The following TBC1D1 variants were observed in gnomAD, a reference collection of about 807,000 sequenced individuals.
TBC1D1 encodes TBC1 domain family member 1, also known as TBC1 (tre-2/USP6, BUB2, cdc16) domain family, member 1.
In TBC1D1, 89 loss-of-function variants were observed where a neutral mutation model predicts 125.6. The observed-to-expected ratio is 0.71, with a 90% CI of 0.60 to 0.85. The LOEUF (loss-of-function observed/expected upper bound fraction) is 0.85. Among genes scored for constraint, TBC1D1 ranks in the 40% least tolerant of loss-of-function variants. The pLI is 0.00. For missense variants in TBC1D1, 1,377 were observed against 1,469.2 expected (o/e 0.94, Z 1.03); for synonymous variants, 565 against 564.1 (o/e 1.00, Z -0.02).
intron 2 of TBC1D1, among the ~76,000 whole-genome samples, chr4:37,972,481 CAAAAAAA>C (rs74577993): frequency 3.1e-5 from 3 of 98,074 alleles, no homozygotes; most frequent in Non-Finnish European, 4.2e-5. Flanking sequence ...AACGCCGTTT[CAAAAAAA>C]AAAAAAAAAA....
intron 19 of TBC1D1, among the ~76,000 whole-genome samples, 162 bp from the exon 22 acceptor site, chr4:38,136,973 C>T (rs1220957940): frequency 3.3e-5 from 5 of 152,108 alleles, no homozygotes; most frequent in African/African-American, 7.2e-5. Context: ...GCAAGGGGTG[C>T]GAGTTGCCTT....
At position 38,054,315 on chromosome 4, in the gene TBC1D1, G is replaced by T. The variant is rs773620475; in HGVS notation, c.2027G>T (p.Cys676Phe). 4.3e-6 allele frequency: 7 copies of T among 1,614,042 alleles called. No homozygotes were observed. The Admixed American group carries it at 1.0e-4, about 23-fold the overall frequency. ...CGAGTAGCCACCCCGCAGAAGGCGTGCGATTCTTCCAGCAGATATGAAGGT... is the reference window on the plus strand; with the variant it reads ...CGAGTAGCCACCCCGCAGAAGGCGTTCGATTCTTCCAGCAGATATGAAGGT... Residue 676 changes from cysteine to phenylalanine, a missense_variant, in exon 12 of 20, where the codon TGC becomes TTC. Cys to Phe is a radical substitution (Grantham distance 205, BLOSUM62 -2). Coordinates refer to ENST00000261439, the MANE Select transcript of TBC1D1 (RefSeq NM_015173.4).
intron 12 of TBC1D1, among the ~76,000 whole-genome samples, chr4:38,066,352 A>G (rs1305517674): frequency 6.6e-6 from 1 of 151,126 alleles, no homozygotes; most frequent in East Asian, 2.0e-4. Context: ...TGTTTGTGAC[A>G]GGGTCTTGCT....
intron 2 of TBC1D1, among the ~76,000 whole-genome samples, chr4:38,004,351 A>G (rs1360947616): frequency 3.3e-5 from 5 of 152,088 alleles, no homozygotes; most frequent in African/African-American, 1.2e-4. Flanking sequence ...CCCTCCCTCA[A>G]CCTGCACACA....
intron 8 of TBC1D1, among the ~76,000 whole-genome samples, chr4:38,036,006 G>T (rs975226335): frequency 2.6e-5 from 4 of 152,182 alleles, no homozygotes; most frequent in African/African-American, 9.6e-5. Context: ...CAGGGAGCTG[G>T]TTTGTCACCT....
At chr4:38,091,301 C>T (rs1355045801) in intron 13 of TBC1D1, among the ~76,000 whole-genome samples, 1 of 152,204 alleles carries the variant, frequency 6.6e-6, no homozygotes, top group African/African-American at 2.4e-5. Flanking sequence ...CTGAGAAAGA[C>T]GGGTCCTCTC....
At chr4:38,023,004 G>A (rs1161053615) in intron 6 of TBC1D1, among the ~76,000 whole-genome samples, 1 of 152,052 alleles carries the variant, frequency 6.6e-6, no homozygotes, top group African/African-American at 2.4e-5. Context: ...ATCACTTCAG[G>A]CCAAGAGTTC....
intron 12 of TBC1D1, among the ~76,000 whole-genome samples, chr4:38,080,514 G>A (rs962914778): frequency 4.6e-5 from 7 of 152,154 alleles, no homozygotes; most frequent in Non-Finnish European, 8.8e-5. Context: ...CTGTCCCTTC[G>A]CTGGGCCCCG....
chr4:37,931,501 G>A (rs529023845), intron 2 of TBC1D1, among the ~76,000 whole-genome samples: 5 of 151,462 alleles, frequency 3.3e-5, no homozygotes, highest in East Asian at 3.9e-4. Context: ...TTTTTGAGAC[G>A]GACTCTTGCT....
chr4:38,085,341 C>T (rs1296734437), intron 12 of TBC1D1, among the ~76,000 whole-genome samples: 2 of 152,118 alleles, frequency 1.3e-5, no homozygotes. Flanking sequence ...AAGTGCTCCA[C>T]ATCCGTCATT....
chr4:37,909,458 A>C (rs73236841), intron 2 of TBC1D1, among the ~76,000 whole-genome samples: 20,521 of 152,096 alleles, frequency 0.13, 1,522 homozygotes, highest in Middle Eastern at 0.16. Flanking sequence ...TATATGCACC[A>C]TTACTTCAGG....
chr4:37,938,487 G>A lies in TBC1D1; in HGVS notation c.417+35975G>A, dbSNP rs138117642. On this transcript the variant is annotated intron_variant, in intron 2 of 19. Transcript: ENST00000261439. ...CAGTTTTGCACAAAGAACAGAGAAT[G>A]GTTGTTCAAATAAGCGATTTGAATT... is the stretch of plus-strand genomic sequence containing the variant. Among the ~76,000 whole-genome samples the A allele has an allele frequency of 2.1e-4, 32 of 151,990 alleles. 1 individual carries two copies. The East Asian group carries it at 6.2e-3, about 29-fold the overall frequency.
rs753174585 is a variant in TBC1D1 at position 38,138,316 on chromosome 4, A to G, written c.*981A>G. The G allele has an allele frequency of 9.9e-5, 15 of 152,154 alleles. No homozygotes were observed. Among genetic ancestry groups the G allele is most frequent in the Non-Finnish European group, 2.1e-4 (14 of 68,026 alleles). 9.4% of individuals were successfully genotyped at this position (152,154 alleles called of 1,614,324 possible). ...TTTGTGGTAGTTTCATACCCATACT[A>G]TAGAGTCATGTATTTATTTTTGCCT... On this transcript the variant is annotated 3_prime_UTR_variant, in exon 20 of 20. Coordinates refer to ENST00000261439, the MANE Select transcript of TBC1D1 (RefSeq NM_015173.4).
At chr4:38,125,270 A>G (rs1194824925) in intron 18 of TBC1D1, 139 bp downstream of exon 20, 2 of 757,460 alleles carry the variant, frequency 2.6e-6, no homozygotes, top group Non-Finnish European at 4.2e-6. Flanking sequence ...TGGAGGAGGC[A>G]TATCACAAAC....
chr4:37,917,627 T>G (rs1216619558), intron 2 of TBC1D1, among the ~76,000 whole-genome samples: 1 of 152,090 alleles, frequency 6.6e-6, no homozygotes, highest in Non-Finnish European at 1.5e-5. Flanking sequence ...GGGCAGGGAA[T>G]TGGACTAACT....
At chr4:37,942,912 T>C (rs1725881628) in intron 2 of TBC1D1, among the ~76,000 whole-genome samples, 2 of 152,202 alleles carry the variant, frequency 1.3e-5, no homozygotes, top group South Asian at 4.1e-4. Context: ...TGTTAGTTGA[T>C]GCAGTTTCTT....
In TBC1D1 at chr4:37,902,006, T is replaced by G. The variant is rs1716135699; in HGVS notation, c.-90T>G. 1 of 1,313,838 alleles carries G rather than the reference T, an allele frequency of 7.6e-7. No individual in the cohort carries two copies. The highest frequency in any genetic ancestry group is 1.5e-5 in the African/African-American group (1 of 67,622). The allele number at this position is 1,313,838 out of a possible 1,614,324, so 81.4% of individuals were successfully genotyped here. On this transcript the variant is annotated 5_prime_UTR_variant, in exon 2 of 20. Coordinates refer to ENST00000261439, the MANE Select transcript of TBC1D1 (RefSeq NM_015173.4). ...TGCCTCTGGTTTTCTCCCCCAGGTTTCTGCATATGAAGTGTGTAAAATAGA... is the reference window on the plus strand; with the variant it reads ...TGCCTCTGGTTTTCTCCCCCAGGTTGCTGCATATGAAGTGTGTAAAATAGA...
intron 12 of TBC1D1, among the ~76,000 whole-genome samples, chr4:38,067,896 A>G (rs893289519): frequency 3.3e-5 from 5 of 151,996 alleles, no homozygotes; most frequent in African/African-American, 1.2e-4. Flanking sequence ...CCGTTTTCAC[A>G]TTTTCCAGGC....
At chr4:37,915,610 A>G (rs2152262889) in intron 2 of TBC1D1, among the ~76,000 whole-genome samples, 1 of 152,312 alleles carries the variant, frequency 6.6e-6, no homozygotes, top group Non-Finnish European at 1.5e-5. Flanking sequence ...GCTAATGCTA[A>G]TCTCTTCTAG....
Sources: allele counts gnomAD v4.1 joint callset (sites outside exome capture counted in the v4.1 genomes callset), GRCh38; gene constraint gnomAD v4.1.1; transcripts MANE v1.5; gene names NCBI Gene and HGNC (gene_info 2026-07-23, HGNC 2026-07-21).